The following PCDH7 variants were observed in gnomAD, a reference collection of about 807,000 sequenced individuals.
PCDH7 encodes the protein protocadherin-7.
A neutral mutation model predicts 58.9 loss-of-function variants in PCDH7; 17 were observed. The ratio of observed to expected loss-of-function variants is 0.29; its 90% confidence interval spans 0.20 to 0.43. The LOEUF is 0.43. PCDH7 is among the 20% of genes least tolerant of loss of function. The pLI is 1.00. For synonymous variants in PCDH7, 664 were observed against 616.4 expected, an observed-to-expected ratio of 1.08 and a Z score of -1.14; for missense variants, 1,274 against 1,441.0, an observed-to-expected ratio of 0.88 and a Z score of 1.88.
intron 3 of PCDH7, among the ~76,000 whole-genome samples, chr4:31,029,234 C>T (rs1177694989): frequency 6.6e-6 from 1 of 152,184 alleles, no homozygotes; most frequent in Admixed American, 6.5e-5. Flanking sequence ...AAATTAAAGG[C>T]CTATAAGTCC....
At chr4:30,757,546 A>T (rs1719466353) in intron 1 of PCDH7, among the ~76,000 whole-genome samples, 1 of 152,104 alleles carries the variant, frequency 6.6e-6, no homozygotes, top group Non-Finnish European at 1.5e-5. Context: ...GCCTTTGTAC[A>T]TTCCTTTTTG....
At chr4:30,925,220 A>G (rs900147681) in intron 2 of PCDH7, among the ~76,000 whole-genome samples, 2 of 152,152 alleles carry the variant, frequency 1.3e-5, no homozygotes, top group Non-Finnish European at 2.9e-5. Context: ...TAGACAGTGT[A>G]TTTGAAATAT....
At chr4:30,914,008 T>C (rs997356682) in intron 1 of PCDH7, among the ~76,000 whole-genome samples, 1 of 152,092 alleles carries the variant, frequency 6.6e-6, no homozygotes, top group African/African-American at 2.4e-5. Context: ...CTCACCCACA[T>C]TTTAGGGCAG....
At chr4:30,803,335 G>T (rs1330788162) in intron 1 of PCDH7, among the ~76,000 whole-genome samples, 3 of 152,144 alleles carry the variant, frequency 2.0e-5, no homozygotes, top group African/African-American at 4.8e-5. Context: ...CTAAATAGGG[G>T]AATATGTCAT....
At chr4:31,016,417 GAAC>G (rs1753605023) in intron 3 of PCDH7, among the ~76,000 whole-genome samples, 1 of 132,296 alleles carries the variant, frequency 7.6e-6, no homozygotes, top group South Asian at 2.5e-4. Flanking sequence ...TTTTTTTGCA[GAAC>G]ATCACTATTG....
At chr4:30,975,482 A>G (rs1162333577) in intron 3 of PCDH7, among the ~76,000 whole-genome samples, 1 of 152,178 alleles carries the variant, frequency 6.6e-6, no homozygotes, top group African/African-American at 2.4e-5. Context: ...TCTAAATCCT[A>G]GAAAGACTAC....
intron 1 of PCDH7, among the ~76,000 whole-genome samples, chr4:30,755,998 G>A (rs1719241474): frequency 6.6e-6 from 1 of 152,104 alleles, no homozygotes; most frequent in Admixed American, 6.5e-5. Context: ...AGAATCACTT[G>A]AACCCAGGAG....
Position 30,723,281 on chromosome 4 carries a change from AG to A in PCDH7, c.1862del (p.Gly621AlafsTer5). 6.2e-7 allele frequency: 1 copy of A among 1,614,174 alleles called. No homozygotes were observed. On this transcript the variant is annotated frameshift_variant, in exon 1 of 2. Coordinates refer to ENST00000361762, the Ensembl canonical transcript of PCDH7. LOFTEE classifies it high-confidence loss of function. This position sits in a 1 kb window ranked among gnomAD's most constrained non-coding sequence, Gnocchi z 4.6. ...AAAGACAAAGGCATCCCCGTGCTGC[AG>A]GGCAGCACTACGGTGATTGTGCAGG...
At chr4:31,012,840 C>A (rs1560575519) in intron 3 of PCDH7, among the ~76,000 whole-genome samples, 1 of 149,936 alleles carries the variant, frequency 6.7e-6, no homozygotes, top group Non-Finnish European at 1.5e-5. Flanking sequence ...ATGGTCTCCA[C>A]AAAAAATAAA....
At chr4:30,876,567 A>G (rs1188164387) in intron 1 of PCDH7, among the ~76,000 whole-genome samples, 1 of 151,974 alleles carries the variant, frequency 6.6e-6, no homozygotes. Context: ...TATCACATGC[A>G]AGTTTTATGG....
exon 2 of PCDH7, chr4:30,731,211 A>T (rs760039086): frequency 7.5e-5 from 70 of 936,396 alleles, no homozygotes; most frequent in Non-Finnish European, 8.3e-5. Flanking sequence ...ATCTAAATTG[A>T]TCAATATTTT....
chr4:31,003,432 C>T (rs1307063993), intron 3 of PCDH7, among the ~76,000 whole-genome samples: 1 of 151,598 alleles, frequency 6.6e-6, no homozygotes, highest in East Asian at 1.9e-4. Flanking sequence ...TTCTAGTCCT[C>T]GTTTTTTTCA....
At chr4:30,830,670 A>G (rs897625117) in intron 1 of PCDH7, among the ~76,000 whole-genome samples, 2 of 151,882 alleles carry the variant, frequency 1.3e-5, no homozygotes, top group Non-Finnish European at 2.9e-5. Flanking sequence ...AGATCTTGGG[A>G]TTTGGGAGGT....
chr4:30,829,417 T>C (rs1455512840), intron 1 of PCDH7, among the ~76,000 whole-genome samples: 1 of 152,074 alleles, frequency 6.6e-6, no homozygotes, highest in Non-Finnish European at 1.5e-5. Flanking sequence ...AATGATATCA[T>C]TCAGCAGAGA....
At chr4:30,881,301 G>T (rs142580638) in intron 1 of PCDH7, among the ~76,000 whole-genome samples, 2 of 152,018 alleles carry the variant, frequency 1.3e-5, no homozygotes, top group African/African-American at 2.4e-5. Context: ...AGCTGAGATT[G>T]CATCGCTGTA....
At chr4:30,828,730 A>G (rs1286432991) in intron 1 of PCDH7, among the ~76,000 whole-genome samples, 1 of 152,094 alleles carries the variant, frequency 6.6e-6, no homozygotes, top group Non-Finnish European at 1.5e-5. Flanking sequence ...CTCGCAATAT[A>G]CACATTGAAT....
chr4:30,841,095 G>T (rs1578008259), intron 1 of PCDH7, among the ~76,000 whole-genome samples: 2 of 152,006 alleles, frequency 1.3e-5, no homozygotes, highest in East Asian at 3.9e-4. Flanking sequence ...CACTGCACCT[G>T]CCTAAAAATA....
chr4:31,001,688 A>C (rs2109138319), intron 3 of PCDH7, among the ~76,000 whole-genome samples: 1 of 152,306 alleles, frequency 6.6e-6, no homozygotes, highest in Non-Finnish European at 1.5e-5. Flanking sequence ...CTAGTCATTA[A>C]ATCGTGTAGT....
chr4:30,941,192 T>C (rs73109745), intron 2 of PCDH7, among the ~76,000 whole-genome samples: 1,624 of 152,064 alleles, frequency 0.011, 26 homozygotes, highest in African/African-American at 0.038. Context: ...ATACATTAAC[T>C]AAGAACAGTG....
Sources: allele counts gnomAD v4.1 joint callset (sites outside exome capture counted in the v4.1 genomes callset), GRCh38; gene constraint gnomAD v4.1.1; non-coding constraint Gnocchi (gnomAD v3.1); transcripts MANE v1.5; gene names NCBI Gene and HGNC (gene_info 2026-07-23, HGNC 2026-07-21).